The following BAZ2A variants were observed in gnomAD, a reference collection of about 807,000 sequenced individuals.
The protein encoded by BAZ2A is bromodomain adjacent to zinc finger domain 2A, also known as bromodomain adjacent to zinc finger domain protein 2A.
BAZ2A carries 34 observed loss-of-function variants against 199.9 expected under a neutral mutation model. The observed-to-expected ratio is 0.17, with a 90% CI of 0.13 to 0.23. BAZ2A has a LOEUF of 0.23. BAZ2A is among the 10% of genes least tolerant of loss of function. BAZ2A has a pLI of 1.00. For synonymous variants in BAZ2A, 857 were observed against 883.9 expected, an observed-to-expected ratio of 0.97 and a Z score of 0.54; for missense variants, 2,002 against 2,391.1, an observed-to-expected ratio of 0.84 and a Z score of 3.39.
At chr12:56,625,457 A>G (rs567891409) in intron 1 of BAZ2A, among the ~76,000 whole-genome samples, 1 of 152,114 alleles carries the variant, frequency 6.6e-6, no homozygotes, top group South Asian at 2.1e-4. Flanking sequence ...GCCCAGCCAG[A>G]ATTTAAACTC....
chr12:56,617,998 T>A (rs145462864), intron 1 of BAZ2A, among the ~76,000 whole-genome samples: 7 of 152,330 alleles, frequency 4.6e-5, no homozygotes, highest in Middle Eastern at 3.4e-3. Context: ...CACTCTTTGT[T>A]TCATTATTAA....
intron 1 of BAZ2A, among the ~76,000 whole-genome samples, chr12:56,623,052 C>T (rs1388104548): frequency 1.3e-5 from 2 of 151,908 alleles, no homozygotes; most frequent in Non-Finnish European, 1.5e-5. Flanking sequence ...CTGGCTAACA[C>T]GGTGAAACCC....
chr12:56,628,062 A>T (rs1951164898), intron 1 of BAZ2A, among the ~76,000 whole-genome samples: 1 of 150,058 alleles, frequency 6.7e-6, no homozygotes, highest in Non-Finnish European at 1.5e-5. Flanking sequence ...GGCTCCTGTA[A>T]TCCCAGCTAC....
At chr12:56,616,255 G>A (rs1950720232) in intron 2 of BAZ2A, among the ~76,000 whole-genome samples, 1 of 151,974 alleles carries the variant, frequency 6.6e-6, no homozygotes, top group Non-Finnish European at 1.5e-5. Flanking sequence ...ACAGTGACTT[G>A]CATTCTGCCC....
At chr12:56,617,989 A>G (rs926894163) in intron 1 of BAZ2A, among the ~76,000 whole-genome samples, 4 of 152,128 alleles carry the variant, frequency 2.6e-5, no homozygotes, top group African/African-American at 7.2e-5. Flanking sequence ...TTTGATAAAC[A>G]CTCTTTGTTT....
chr12:56,630,293 C>T lies in BAZ2A; in HGVS notation c.-171G>A, dbSNP rs922115690. The T allele has an allele frequency of 1.0e-6, 1 of 984,964 alleles. No individual in the cohort carries two copies. The highest frequency in any genetic ancestry group is 4.7e-5 in the South Asian group (1 of 21,284). The allele number at this position is 984,964 out of a possible 1,614,324, so 61.0% of individuals were successfully genotyped here. ...GGGGACGCGGCTCAACCGCGGGGCC[C>T]GAGAGGAGCCAACATGGCCGGCGGG... On this transcript the variant is annotated 5_prime_UTR_variant, in exon 1 of 29. Coordinates refer to ENST00000549884, the MANE Select transcript of BAZ2A (RefSeq NM_001300905.2).
chr12:56,620,836 C>T (rs1950898783), intron 1 of BAZ2A, among the ~76,000 whole-genome samples: 1 of 152,184 alleles, frequency 6.6e-6, no homozygotes, highest in African/African-American at 2.4e-5. Context: ...GCTGGGATTA[C>T]AGCCATGAGC....
Position 56,608,865 on chromosome 12 carries a change from GGC to G in BAZ2A, c.2092+869_2092+870del, listed in dbSNP as rs369768120. 3.6e-3 allele frequency among the ~76,000 whole-genome samples: 501 copies of G among 140,266 alleles called. 5 individuals carry two copies. Among genetic ancestry groups the G allele is most frequent in the African/African-American group, 0.013 (473 of 35,852 alleles). The allele number at this position is 140,266 out of a possible 152,430, so 92.0% of individuals were successfully genotyped here. On this transcript the variant is annotated intron_variant, in intron 10 of 28. Coordinates refer to ENST00000549884, the MANE Select transcript of BAZ2A (RefSeq NM_001300905.2). ...ATTACAGGCGTGAGCCACCGTGCCT[GGC>G]TTTTTTTTTTTTTTTTTTTTTTTTT...
intron 26 of BAZ2A, 92 bp downstream of exon 26, chr12:56,599,610 A>G: frequency 1.3e-6 from 2 of 1,564,356 alleles, no homozygotes; most frequent in Non-Finnish European, 8.7e-7. Flanking sequence ...GTCCCCTAAT[A>G]CCCAGTCTAG....
At chr12:56,609,223 G>C (rs542626375) in intron 10 of BAZ2A, among the ~76,000 whole-genome samples, 9 of 151,566 alleles carry the variant, frequency 5.9e-5, no homozygotes, top group African/African-American at 1.9e-4. Flanking sequence ...GCCCAGGTTG[G>C]AATGCAATAA....
Position 56,601,898 on chromosome 12 carries a change from T to C in BAZ2A, c.3719A>G (p.Gln1240Arg). The change falls in exon 20 of 29, where the codon CAG becomes CGG. Residue 1240 changes from glutamine to arginine, a missense_variant. Transcript: ENST00000549884. ...QPQPQLQLQL[Q>R]SHKGFLEQEG... ...TTGCTCCAGGAACCCCTTATGGGAC[T>C]GAAGCTGAAGCTGAAGCTGAGGCTG... 1 of 1,604,440 alleles carries C rather than the reference T, an allele frequency of 6.2e-7. No individual in the cohort carries two copies. Among genetic ancestry groups the C allele is most frequent in the Non-Finnish European group, 8.5e-7 (1 of 1,175,222 alleles).
intron 1 of BAZ2A, among the ~76,000 whole-genome samples, chr12:56,619,006 G>T (rs905953345): frequency 6.6e-6 from 1 of 151,860 alleles, no homozygotes; most frequent in Admixed American, 6.6e-5. Flanking sequence ...GACCAAGCTG[G>T]ATAACATGGC....
At chr12:56,605,687 G>A in intron 13 of BAZ2A, 143 bp downstream of exon 13, 1 of 956,096 alleles carries the variant, frequency 1.0e-6, no homozygotes, top group Admixed American at 2.9e-5. Flanking sequence ...CTCCCAAAGT[G>A]CTGGGATTAC....
chr12:56,607,478 T>C (rs1950401307), intron 10 of BAZ2A, among the ~76,000 whole-genome samples: 1 of 152,246 alleles, frequency 6.6e-6, no homozygotes, highest in South Asian at 2.1e-4. Context: ...TTCAAGCGAT[T>C]CTCCTGCCTC....
chr12:56,635,302 GCA>G (rs143937166), upstream of BAZ2A, among the ~76,000 whole-genome samples: 423 of 152,214 alleles, frequency 2.8e-3, 1 homozygote, highest in African/African-American at 9.9e-3. This position sits in a 1 kb window ranked among gnomAD's most constrained non-coding sequence, Gnocchi z 4.1. Flanking sequence ...CGCTCCCAGG[GCA>G]CCAGCAAAGA....
At chr12:56,621,109 T>C (rs1950908051) in intron 1 of BAZ2A, 1 of 985,262 alleles carries the variant, frequency 1.0e-6, no homozygotes. Flanking sequence ...CCCCAGTTTT[T>C]TGTACACCTC....
chr12:56,621,118 T>A, intron 1 of BAZ2A: 1 of 985,298 alleles, frequency 1.0e-6, no homozygotes, highest in Non-Finnish European at 1.2e-6. Flanking sequence ...TTTGTACACC[T>A]CCCCTGGTGT....
intron 25 of BAZ2A, 36 bp downstream of exon 25, chr12:56,599,928 G>C (rs1301488717): frequency 6.2e-7 from 1 of 1,613,082 alleles, no homozygotes. Context: ...CTGCTGGCTG[G>C]CCCCTCAGCC....
At chr12:56,607,671 C>T (rs917968092) in intron 10 of BAZ2A, among the ~76,000 whole-genome samples, 1 of 152,152 alleles carries the variant, frequency 6.6e-6, no homozygotes, top group Non-Finnish European at 1.5e-5. Flanking sequence ...GTGCCTGGCC[C>T]TGACATGACA....
Sources: allele counts gnomAD v4.1 joint callset (sites outside exome capture counted in the v4.1 genomes callset), GRCh38; gene constraint gnomAD v4.1.1; non-coding constraint Gnocchi (gnomAD v3.1); transcripts MANE v1.5; gene names NCBI Gene and HGNC (gene_info 2026-07-23, HGNC 2026-07-21).